Variants in MAGI2 observed in about 807,000 individuals in gnomAD.
The protein encoded by MAGI2 is membrane-associated guanylate kinase, WW and PDZ domain-containing protein 2.
A neutral mutation model predicts 133.3 loss-of-function variants in MAGI2; 35 were observed. The observed-to-expected ratio is 0.26, with a 90% CI of 0.20 to 0.35. MAGI2 has a LOEUF of 0.35. Ranked by LOEUF, MAGI2 falls within the 10% of genes least tolerant of loss-of-function variation. The pLI, the probability that MAGI2 is intolerant of heterozygous loss-of-function variation, is 1.00. For missense variants in MAGI2, 1,636 were observed against 1,863.4 expected (o/e 0.88, Z 2.25); for synonymous variants, 729 against 710.6 (o/e 1.03, Z -0.41).
intron 3 of MAGI2, among the ~76,000 whole-genome samples, chr7:78,526,015 C>A (rs1472021278): frequency 6.6e-6 from 1 of 152,150 alleles, no homozygotes; most frequent in Admixed American, 6.5e-5. Context: ...ATTTATTCAT[C>A]ACAATATAGC....
intron 7 of MAGI2, among the ~76,000 whole-genome samples, chr7:78,355,889 G>T (rs987551329): frequency 1.3e-5 from 2 of 152,174 alleles, no homozygotes; most frequent in Admixed American, 6.5e-5. Flanking sequence ...CAGTGATCAC[G>T]TGCATAGAAA....
chr7:78,346,085 G>C, intron 7 of MAGI2, 42 bp from the exon 8 acceptor site: 2 of 1,610,810 alleles, frequency 1.2e-6, no homozygotes, highest in Non-Finnish European at 1.7e-6. Flanking sequence ...GTGGGGCAAA[G>C]TTATTTAAAA....
chr7:79,386,898 G>A (rs1844220602), intron 1 of MAGI2, among the ~76,000 whole-genome samples: 1 of 151,982 alleles, frequency 6.6e-6, no homozygotes, highest in South Asian at 2.1e-4. Context: ...GCAACAAGGA[G>A]CCATTCTGAA....
At chr7:79,182,238 G>A (rs1826686439) in intron 1 of MAGI2, among the ~76,000 whole-genome samples, 1 of 151,884 alleles carries the variant, frequency 6.6e-6, no homozygotes, top group African/African-American at 2.4e-5. Flanking sequence ...TCCTGAGACT[G>A]GGCAATTTAC....
intron 3 of MAGI2, among the ~76,000 whole-genome samples, chr7:78,527,823 C>T (rs753378546): frequency 5.3e-5 from 8 of 152,010 alleles, no homozygotes; most frequent in Non-Finnish European, 1.0e-4. Context: ...TGTTTCAATC[C>T]TTTTGGTGTA....
intron 20 of MAGI2, among the ~76,000 whole-genome samples, chr7:78,100,331 G>T (rs1451027296): frequency 6.6e-6 from 1 of 152,076 alleles, no homozygotes; most frequent in Non-Finnish European, 1.5e-5. Context: ...AGTTATGCTT[G>T]TTCCACATCC....
chr7:78,888,510 G>A (rs917969588), intron 2 of MAGI2, among the ~76,000 whole-genome samples: 10 of 152,252 alleles, frequency 6.6e-5, no homozygotes, highest in Admixed American at 2.0e-4. Flanking sequence ...TCACATGGCC[G>A]GGTACTCCTC....
rs554484841 is a variant in MAGI2 at position 78,859,338 on chromosome 7, TG to T, written c.418+147751del. Among the ~76,000 whole-genome samples, 8 of 152,248 alleles carry T rather than the reference TG, an allele frequency of 5.3e-5. No homozygotes were observed. The South Asian group carries it at 1.7e-3, about 32-fold the overall frequency. ...TGATGCAGTTTCTTCCTAGCATCGATGGTCTTTACAATTTGGCATGTTGTTG... is the reference window on the plus strand; with the variant it reads ...TGATGCAGTTTCTTCCTAGCATCGATGTCTTTACAATTTGGCATGTTGTTG... On this transcript the variant is annotated intron_variant, in intron 2 of 21. Transcript: ENST00000354212.
chr7:78,849,828 T>C, intron 2 of MAGI2, among the ~76,000 whole-genome samples: 1 of 152,058 alleles, frequency 6.6e-6, no homozygotes, highest in East Asian at 1.9e-4. Flanking sequence ...CTTTATTTTG[T>C]TATTTTTCCA....
rs149914044 is a variant in MAGI2, at chr7:78,522,635, C to T, written c.539-990G>A. ...CCTCAAATGATCCGCCTGCCTCGGC[C>T]CCCCAAAGTGCTGGGATTACAGGCA... On this transcript the variant is annotated intron_variant, in intron 3 of 21. Transcript: ENST00000354212. Among the ~76,000 whole-genome samples the T allele has an allele frequency of 2.9e-4, 44 of 152,216 alleles. 1 individual carries two copies. The East Asian group carries it at 8.5e-3, about 29-fold the overall frequency.
chr7:79,169,483 G>GT (rs1374540291), intron 1 of MAGI2, among the ~76,000 whole-genome samples: 1 of 152,018 alleles, frequency 6.6e-6, no homozygotes, highest in Non-Finnish European at 1.5e-5. Context: ...TTTAACATTT[G>GT]TATCAACACA....
chr7:78,737,212 A>G (rs1387540008), intron 2 of MAGI2, among the ~76,000 whole-genome samples: 1 of 152,210 alleles, frequency 6.6e-6, no homozygotes, highest in Non-Finnish European at 1.5e-5. Flanking sequence ...AATATATAAA[A>G]TCTTCTCTGA....
At chr7:78,103,362 T>G in intron 20 of MAGI2, among the ~76,000 whole-genome samples, 1 of 152,206 alleles carries the variant, frequency 6.6e-6, no homozygotes, top group East Asian at 1.9e-4. Context: ...TATACAGACA[T>G]GAAGTATATA....
intron 21 of MAGI2, among the ~76,000 whole-genome samples, chr7:78,033,472 C>CAAAAAAAAAAAAA (rs199985014): frequency 7.6e-6 from 1 of 132,394 alleles, no homozygotes; most frequent in Non-Finnish European, 1.6e-5. Context: ...GAGCTTGTCT[C>CAAAAAAAAAAAAA]AAAAAAAAAA....
intron 2 of MAGI2, among the ~76,000 whole-genome samples, chr7:78,684,716 G>A (rs780253473): frequency 2.2e-4 from 33 of 151,324 alleles, no homozygotes; most frequent in Admixed American, 1.8e-3. Context: ...CTTTTCAGGT[G>A]CTTCCAGGAA....
intron 6 of MAGI2, among the ~76,000 whole-genome samples, chr7:78,468,298 G>C (rs1290558649): frequency 6.6e-6 from 1 of 152,036 alleles, no homozygotes; most frequent in Non-Finnish European, 1.5e-5. Context: ...TCTTTCTCAG[G>C]GGATGCAAAC....
chr7:78,724,628 G>A (rs746350232), intron 2 of MAGI2, among the ~76,000 whole-genome samples: 2 of 152,180 alleles, frequency 1.3e-5, no homozygotes, highest in Non-Finnish European at 2.9e-5. Context: ...GGAGAAGAAA[G>A]GTTGCCTGCT....
At position 78,339,579 on chromosome 7, in the gene MAGI2, T is replaced by C. The variant is rs1790137787; in HGVS notation, c.1408+4199A>G. ...GTAATGGATTTGTGAAATATTTCAC[T>C]GAAGTTCAAAAGCACTGGGGGAGTC... is the stretch of plus-strand genomic sequence containing the variant. On this transcript the variant is annotated intron_variant, in intron 9 of 21. Transcript: ENST00000354212. Among the ~76,000 whole-genome samples, 5 of 151,866 alleles carry C rather than the reference T, an allele frequency of 3.3e-5. 1 individual carries two copies. The South Asian group carries it at 1.0e-3, about 32-fold the overall frequency.
intron 2 of MAGI2, chr7:78,940,392 AAAG>A (rs1219563503): frequency 3.3e-5 from 5 of 152,158 alleles, no homozygotes; most frequent in Non-Finnish European, 7.4e-5. Flanking sequence ...TTGAGAGAGT[AAAG>A]AAGAGTTTTA....
Sources: gnomAD v4.1 joint callset for allele counts (sites outside exome capture counted in the v4.1 genomes callset) on GRCh38, gnomAD v4.1.1 for gene constraint, MANE v1.5 for transcripts, NCBI Gene and HGNC (gene_info 2026-07-23, HGNC 2026-07-21) for gene names.